The following RAX variants were observed in gnomAD, a reference collection of about 807,000 sequenced individuals.
RAX encodes the protein retinal homeobox protein Rx.
Under a neutral mutation model 17.4 loss-of-function variants are expected in RAX, and 11 were observed. The ratio of observed to expected loss-of-function variants is 0.63; its 90% CI spans 0.40 to 1.05. The LOEUF (loss-of-function observed/expected upper bound fraction) is 1.05. Ranked by LOEUF, RAX falls within the 50% of genes least tolerant of loss-of-function variation. The probability of loss-of-function intolerance (pLI) is 0.00; values close to 1 mark genes in which losing one functional copy is unlikely to be tolerated. For missense variants in RAX, 527 were observed against 501.1 expected (o/e 1.05, Z -0.49); for synonymous variants, 276 against 254.7 (o/e 1.08, Z -0.80).
At position 59,269,092 on chromosome 18, in the gene RAX, G is replaced by A; in HGVS notation, c.953C>T (p.Ala318Val). The change falls in exon 3 of 3, where the codon GCG becomes GTG. Residue 318 changes from alanine (A) to valine (V), a missense_variant. Coordinates refer to ENST00000334889, the MANE Select transcript of RAX (RefSeq NM_013435.3). ...GFGDKFPLDE[A>V]DPRNSSIAAL... ...CGCGATGCTGCTGTTGCGCGGGTCCGCCTCGTCCAGCGGGAACTTGTCCCC... is the reference window on the plus strand; with the variant it reads ...CGCGATGCTGCTGTTGCGCGGGTCCACCTCGTCCAGCGGGAACTTGTCCCC... 3 of 1,611,780 alleles carry A rather than the reference G, an allele frequency of 1.9e-6. No homozygotes were observed. The highest frequency in any genetic ancestry group is 2.5e-6 in the Non-Finnish European group (3 of 1,179,334).
chr18:59,268,695 G>A lies in RAX; in HGVS notation c.*309C>T. 1 of 524,868 alleles carries A rather than the reference G, an allele frequency of 1.9e-6. No homozygotes were observed. The highest frequency in any genetic ancestry group is 3.4e-6 in the Non-Finnish European group (1 of 295,166). The allele number at this position is 524,868 out of a possible 1,614,324, so 32.5% of individuals were successfully genotyped here. ...AGGAGCTTCAGCCTGTTTGGGCCTGGAGGCTCCAGCGCCTGCGGTGATGGG... is the reference window on the plus strand; with the variant it reads ...AGGAGCTTCAGCCTGTTTGGGCCTGAAGGCTCCAGCGCCTGCGGTGATGGG... On this transcript the variant is annotated 3_prime_UTR_variant, in exon 3 of 3. Transcript: ENST00000334889. The surrounding 1 kb of genome is among the most constrained non-coding windows in gnomAD (Gnocchi z 4.4).
chr18:59,272,318 T>A (rs754379866), intron 2 of RAX, 43 bp downstream of exon 2: 14 of 1,613,890 alleles, frequency 8.7e-6, no homozygotes, highest in Non-Finnish European at 1.0e-5. Flanking sequence ...AATTTGGGCC[T>A]CGGGCCCTCC....
Position 59,268,967 on chromosome 18 carries a change from G to T in RAX, c.*37C>A. ...GAGAGGATGCGGGTACGGTGCGGTC[G>T]GCCCGGGGTCGGATCCCAAGACGTT... On this transcript the variant is annotated 3_prime_UTR_variant, in exon 3 of 3. Coordinates refer to ENST00000334889, the MANE Select transcript of RAX (RefSeq NM_013435.3). The surrounding 1 kb of genome is among the most constrained non-coding windows in gnomAD (Gnocchi z 4.4). 1 of 1,612,736 alleles carries T rather than the reference G, an allele frequency of 6.2e-7. No individual in the cohort carries two copies. The highest frequency in any genetic ancestry group is 1.7e-4 in the Middle Eastern group (1 of 6,032).
Position 59,273,223 on chromosome 18 carries a change from CG to C in RAX, c.-18del, listed in dbSNP as rs1317138147. ...CAGGTGCATGGGGAGCGCCGGGAGGCGGGAGGGCGCTTTGGAGACGGAGAGG... is the reference window on the plus strand; with the variant it reads ...CAGGTGCATGGGGAGCGCCGGGAGGCGGAGGGCGCTTTGGAGACGGAGAGG... On this transcript the variant is annotated 5_prime_UTR_variant, in exon 1 of 3. Transcript: ENST00000334889. The C allele has an allele frequency of 6.6e-7, 1 of 1,523,114 alleles. No individual in the cohort carries two copies. The highest frequency in any genetic ancestry group is 2.0e-5 in the Admixed American group (1 of 50,112). 94.3% of individuals were successfully genotyped at this position (1,523,114 alleles called of 1,614,324 possible).
Position 59,273,054 on chromosome 18 carries a change from G to T in RAX, c.153C>A (p.Phe51Leu). The stretch of plus-strand genomic sequence containing the variant: ...CGCCCCGGGCGCCCCGCTCCGCCGG[G>T]AAGGTGCCGAGGATCCCGTCGTCCT... ...FTKDDGILGT[F>L]PAERGARGAK... The change falls in exon 1 of 3, where the codon TTC becomes TTA. Residue 51 changes from phenylalanine to leucine, a missense_variant. Coordinates refer to ENST00000334889, the MANE Select transcript of RAX (RefSeq NM_013435.3). 1 of 1,534,852 alleles carries T rather than the reference G, an allele frequency of 6.5e-7. No individual in the cohort carries two copies. Among genetic ancestry groups the T allele is most frequent in the Non-Finnish European group, 8.7e-7 (1 of 1,146,352 alleles).
rs1415128508 is a variant in RAX at position 59,269,302 on chromosome 18, G to T, written c.743C>A (p.Pro248Gln). The T allele has an allele frequency of 1.3e-5, 17 of 1,285,366 alleles. No homozygotes were observed. The highest frequency in any genetic ancestry group is 7.8e-5 in the African/African-American group (5 of 63,910). 79.6% of individuals were successfully genotyped at this position (1,285,366 alleles called of 1,614,324 possible). ...CGCCGTGGCGCCCCCGCCCGGCAGC[G>T]GCGGCCCGAGCCAGGACTCCAGCGG... ...ALPLESWLGP[P>Q]LPGGGATALQ... The change falls in exon 3 of 3, where the codon CCG (proline) becomes CAG (glutamine). Residue 248 changes from proline (P) to glutamine (Q), a missense_variant. Coordinates refer to ENST00000334889, the MANE Select transcript of RAX (RefSeq NM_013435.3).
chr18:59,271,259 C>T (rs548989150), intron 2 of RAX, among the ~76,000 whole-genome samples: 4 of 152,332 alleles, frequency 2.6e-5, no homozygotes, highest in African/African-American at 9.6e-5. Flanking sequence ...TGCTTGGATT[C>T]TGTAGGGTAC....
intron 2 of RAX, among the ~76,000 whole-genome samples, chr18:59,271,974 T>C (rs1393383816): frequency 1.3e-5 from 2 of 152,220 alleles, no homozygotes; most frequent in African/African-American, 4.8e-5. Flanking sequence ...TCGCAGCTAG[T>C]GACGAGGGTG....
chr18:59,272,772 A>C, intron 1 of RAX, 146 bp downstream of exon 1: 4 of 1,368,204 alleles, frequency 2.9e-6, no homozygotes, highest in Non-Finnish European at 3.9e-6. Context: ...CTTTCTCTGA[A>C]TGCAAATTGG....
intron 2 of RAX, among the ~76,000 whole-genome samples, chr18:59,270,043 G>A (rs1416017762): frequency 6.6e-6 from 1 of 152,040 alleles, no homozygotes; most frequent in Admixed American, 6.6e-5. Flanking sequence ...GCTGTATTTT[G>A]GTCTCAGACT....
chr18:59,272,238 G>C, intron 2 of RAX, 123 bp downstream of exon 2: 1 of 1,341,934 alleles, frequency 7.5e-7, no homozygotes, highest in Non-Finnish European at 1.0e-6. Flanking sequence ...TGAGACTCTG[G>C]GCATGCCAAG....
chr18:59,268,685 T>C lies in RAX; in HGVS notation c.*319A>G. ...GGCCAAGTTTAGGAGCTTCAGCCTG[T>C]TTGGGCCTGGAGGCTCCAGCGCCTG... On this transcript the variant is annotated 3_prime_UTR_variant, in exon 3 of 3. Transcript: ENST00000334889. The surrounding 1 kb of genome is among the most constrained non-coding windows in gnomAD (Gnocchi z 4.4). 1 of 493,072 alleles carries C rather than the reference T, an allele frequency of 2.0e-6. No individual in the cohort carries two copies. The highest frequency in any genetic ancestry group is 3.6e-6 in the Non-Finnish European group (1 of 277,112). The allele number at this position is 493,072 out of a possible 1,614,324, so 30.5% of individuals were successfully genotyped here.
intron 2 of RAX, among the ~76,000 whole-genome samples, chr18:59,269,726 CTCTCTCTCTCTCT>C (rs951201466): frequency 4.7e-5 from 5 of 106,344 alleles, no homozygotes; most frequent in African/African-American, 2.3e-4. Flanking sequence ...CTTTCTCTCT[CTCTCTCTCTCTCT>C]TTTTTTTTTT....
At position 59,269,514 on chromosome 18, in the gene RAX, G is replaced by C; in HGVS notation, c.544-13C>G. On this transcript the variant is annotated splice_polypyrimidine_tract_variant and intron_variant, in intron 2 of 2. Coordinates refer to ENST00000334889, the MANE Select transcript of RAX (RefSeq NM_013435.3). ...TCTGGAACCACACCTGCAGGAGAGA[G>C]CACAGGGGCCGTCGGGCAGCAGCGG... 2.5e-6 allele frequency: 4 copies of C among 1,595,034 alleles called. No individual in the cohort carries two copies. Among genetic ancestry groups the C allele is most frequent in the Middle Eastern group, 1.7e-4 (1 of 6,040 alleles).
intron 1 of RAX, 85 bp from the exon 2 acceptor site, chr18:59,272,699 CCCG>C (rs2070349095): frequency 6.7e-7 from 1 of 1,482,432 alleles, no homozygotes; most frequent in Admixed American, 2.3e-5. Context: ...CACTGGCCAG[CCCG>C]CCTGCGGGCT....
At position 59,269,163 on chromosome 18, in the gene RAX, T is replaced by C. The variant is rs7226481; in HGVS notation, c.882A>G (p.Gln294=). 449,727 of 1,579,814 alleles carry C rather than the reference T, an allele frequency of 0.28. 65,838 individuals carry two copies. Among genetic ancestry groups the C allele is most frequent in the Non-Finnish European group, 0.3 (351,652 of 1,163,948 alleles). Reference sequence around the variant, plus strand: ...AGGAGGGCGGCGGCGGCGCGAGAGGTTGCAGGCCGGGGCCCAACGGCGGGG... The same window carrying C: ...AGGAGGGCGGCGGCGGCGCGAGAGGCTGCAGGCCGGGGCCCAACGGCGGGG... ...LNSPPLGPGL[Q]PLAPPPPSYP... The change falls in exon 3 of 3, where the codon CAA becomes CAG. Residue 294 remains glutamine (Q), a synonymous_variant. Transcript: ENST00000334889.
chr18:59,269,704 C>T (rs991923697), intron 2 of RAX, among the ~76,000 whole-genome samples: 3 of 148,924 alleles, frequency 2.0e-5, no homozygotes, highest in South Asian at 4.3e-4. Flanking sequence ...GTTCTCTTTT[C>T]TTTTCCATCC....
In RAX at chr18:59,273,233, C is replaced by T; in HGVS notation, c.-27G>A. ...GGGAGCGCCGGGAGGCGGGAGGGCG[C>T]TTTGGAGACGGAGAGGAGAGGCTCG... On this transcript the variant is annotated 5_prime_UTR_variant, in exon 1 of 3. Coordinates refer to ENST00000334889, the MANE Select transcript of RAX (RefSeq NM_013435.3). 1 of 1,519,914 alleles carries T rather than the reference C, an allele frequency of 6.6e-7. No individual in the cohort carries two copies. The highest frequency in any genetic ancestry group is 1.2e-5 in the South Asian group (1 of 81,822). The allele number at this position is 1,519,914 out of a possible 1,614,324, so 94.2% of individuals were successfully genotyped here. A position where few individuals can be genotyped will look rare whatever the true frequency, so the allele number is the denominator to read the frequency against.
chr18:59,268,991 T>C lies in RAX; in HGVS notation c.*13A>G, dbSNP rs1345011075. ...CGGCCCGGGGTCGGATCCCAAGACG[T>C]TCCCCAGTGCCCCTAGAGGGCCTGC... On this transcript the variant is annotated 3_prime_UTR_variant, in exon 3 of 3. Transcript: ENST00000334889. The surrounding 1 kb of genome is among the most constrained non-coding windows in gnomAD (Gnocchi z 4.4). 2 of 1,612,716 alleles carry C rather than the reference T, an allele frequency of 1.2e-6. No homozygotes were observed. The highest frequency in any genetic ancestry group is 1.3e-5 in the African/African-American group (1 of 74,914).
Sources: allele counts gnomAD v4.1 joint callset (sites outside exome capture counted in the v4.1 genomes callset), GRCh38; gene constraint gnomAD v4.1.1; non-coding constraint Gnocchi (gnomAD v3.1); transcripts MANE v1.5; gene names NCBI Gene and HGNC (gene_info 2026-07-23, HGNC 2026-07-21).